The following PNPLA8 variants were observed in gnomAD, a reference collection of about 807,000 sequenced individuals.
PNPLA8 encodes calcium-independent phospholipase A2-gamma.
Under a neutral mutation model 76.9 loss-of-function variants are expected in PNPLA8, and 39 were observed. The observed-to-expected ratio is 0.51, with a 90% CI of 0.39 to 0.66. The LOEUF (loss-of-function observed/expected upper bound fraction) is 0.66. Among genes scored for constraint, PNPLA8 ranks in the 30% least tolerant of loss-of-function variants. The pLI, the probability that PNPLA8 is intolerant of heterozygous loss-of-function variation, is 0.00. For synonymous variants in PNPLA8, 301 were observed against 307.9 expected (o/e 0.98, Z 0.24); for missense variants, 887 against 918.0 (o/e 0.97, Z 0.44).
chr7:108,490,522 G>A (rs1254205796), intron 8 of PNPLA8, among the ~76,000 whole-genome samples: 11 of 152,162 alleles, frequency 7.2e-5, no homozygotes, highest in African/African-American at 1.9e-4. Flanking sequence ...GGTGGCTCAC[G>A]CCCGTAATCC....
At chr7:108,505,620 C>A (rs1009854883) in intron 4 of PNPLA8, among the ~76,000 whole-genome samples, 1 of 151,462 alleles carries the variant, frequency 6.6e-6, no homozygotes, top group Non-Finnish European at 1.5e-5. Flanking sequence ...CTCAGCCTCC[C>A]GAAGTGCTAG....
intron 4 of PNPLA8, among the ~76,000 whole-genome samples, chr7:108,511,681 T>C (rs1862943122): frequency 6.6e-6 from 1 of 152,162 alleles, no homozygotes; most frequent in Admixed American, 6.5e-5. Context: ...CTTGGAGAAA[T>C]AGTCAGATGC....
chr7:108,472,527 ATTTC>A lies in PNPLA8; in HGVS notation c.2219_2222del (p.Arg740MetfsTer5). 1.9e-6 allele frequency: 3 copies of A among 1,611,128 alleles called. No individual in the cohort carries two copies. The highest frequency in any genetic ancestry group is 1.3e-5 in the African/African-American group (1 of 74,658). On this transcript the variant is annotated frameshift_variant, in exon 11 of 11. Coordinates refer to ENST00000257694, the MANE Select transcript of PNPLA8 (RefSeq NM_001256007.3). LOFTEE classifies it high-confidence loss of function. ...TTGCAACTTTTTTCATTTTTTGTTCATTTCTTTCTATGTATTTCAACCCTTCCAA... is the reference window on the plus strand; with the variant it reads ...TTGCAACTTTTTTCATTTTTTGTTCATTTCTATGTATTTCAACCCTTCCAA...
intron 5 of PNPLA8, among the ~76,000 whole-genome samples, chr7:108,499,686 A>C (rs1178195258): frequency 6.6e-6 from 1 of 152,202 alleles, no homozygotes; most frequent in African/African-American, 2.4e-5. Context: ...GACACTGCCA[A>C]ATGTCCTTTA....
chr7:108,482,940 C>T (rs1860500035), intron 9 of PNPLA8, among the ~76,000 whole-genome samples: 1 of 152,184 alleles, frequency 6.6e-6, no homozygotes, highest in East Asian at 1.9e-4. Flanking sequence ...TTTTGCCCTA[C>T]TAATGAAGCA....
intron 4 of PNPLA8, among the ~76,000 whole-genome samples, chr7:108,503,329 T>C (rs1303885799): frequency 1.3e-5 from 2 of 152,230 alleles, no homozygotes; most frequent in Middle Eastern, 3.2e-3. Context: ...GCAGGTTTAA[T>C]GGAATGGCTG....
chr7:108,524,119 C>T (rs1863922855), intron 1 of PNPLA8, among the ~76,000 whole-genome samples: 1 of 152,168 alleles, frequency 6.6e-6, no homozygotes, highest in Non-Finnish European at 1.5e-5. Flanking sequence ...GAATTACCAG[C>T]ATAGTGGCAG....
At chr7:108,523,427 G>A (rs1863880313) in intron 1 of PNPLA8, among the ~76,000 whole-genome samples, 1 of 151,550 alleles carries the variant, frequency 6.6e-6, no homozygotes, top group Non-Finnish European at 1.5e-5. Context: ...TCTGGTACCA[G>A]GATTCTTTCC....
chr7:108,504,619 T>C lies in PNPLA8; in HGVS notation c.1207-1977A>G, dbSNP rs1862207591. 1.3e-5 allele frequency among the ~76,000 whole-genome samples: 2 copies of C among 152,192 alleles called. 1 individual carries two copies. The highest frequency in any genetic ancestry group is 4.1e-4 in the South Asian group (2 of 4,828). On this transcript the variant is annotated intron_variant, in intron 4 of 10. Coordinates refer to ENST00000257694, the MANE Select transcript of PNPLA8 (RefSeq NM_001256007.3). ...TTTAAAAATTTTTTTGTAGATAAGG[T>C]GATTCTAAAATTCATATAGAAATAT...
At chr7:108,523,247 T>TG (rs1863867900) in intron 1 of PNPLA8, among the ~76,000 whole-genome samples, 1 of 152,180 alleles carries the variant, frequency 6.6e-6, no homozygotes, top group Admixed American at 6.5e-5. Flanking sequence ...TTACAGAGTA[T>TG]GTCACTTAAT....
At chr7:108,506,806 A>G (rs1023900411) in intron 4 of PNPLA8, among the ~76,000 whole-genome samples, 1 of 152,148 alleles carries the variant, frequency 6.6e-6, no homozygotes. Flanking sequence ...ATTCTGAAAA[A>G]CTGATCAACC....
rs754983432 is a variant in PNPLA8 at position 108,514,672 on chromosome 7, CAGA to C, written c.817_819del (p.Ser273del). 2 of 1,613,972 alleles carry C rather than the reference CAGA, an allele frequency of 1.2e-6. No individual in the cohort carries two copies. The highest frequency in any genetic ancestry group is 1.1e-5 in the South Asian group (1 of 91,078). The stretch of plus-strand genomic sequence containing the variant: ...GAAACTTGAAGAACATCAGGTATCG[CAGA>C]AGGACTTGTAGGCTTGTCCACCGTA... On this transcript the variant is annotated inframe_deletion, in exon 3 of 11. Transcript: ENST00000257694.
intron 9 of PNPLA8, among the ~76,000 whole-genome samples, chr7:108,482,200 G>A (rs1220379847): frequency 6.6e-6 from 1 of 152,214 alleles, no homozygotes; most frequent in African/African-American, 2.4e-5. Context: ...GCCAGGTGCA[G>A]TGGCTCATGC....
Position 108,482,878 on chromosome 7 carries a change from C to T in PNPLA8, c.1879-3499G>A, listed in dbSNP as rs1860495844. ...GTTTTCTTTGTGGAAAATCAACTAC[C>T]CCCACCATTGGTGCTCTGGCTTAAA... On this transcript the variant is annotated intron_variant, in intron 9 of 10. Transcript: ENST00000257694. Among the ~76,000 whole-genome samples the T allele has an allele frequency of 2.0e-5, 3 of 152,196 alleles. No individual in the cohort carries two copies. The South Asian group carries it at 6.2e-4, about 32-fold the overall frequency.
chr7:108,501,745 A>C (rs922335504), intron 5 of PNPLA8, among the ~76,000 whole-genome samples: 2 of 152,120 alleles, frequency 1.3e-5, no homozygotes, highest in African/African-American at 4.8e-5. Flanking sequence ...AATCGCTTGA[A>C]CTTGGGAGGC....
chr7:108,525,371 T>C (rs1864003185), intron 1 of PNPLA8, among the ~76,000 whole-genome samples: 2 of 152,222 alleles, frequency 1.3e-5, no homozygotes, highest in South Asian at 4.1e-4. Context: ...TATATGATAG[T>C]CCCTTATGTC....
At chr7:108,491,217 G>C (rs1487206751) in intron 8 of PNPLA8, among the ~76,000 whole-genome samples, 193 bp downstream of exon 8, 1 of 152,214 alleles carries the variant, frequency 6.6e-6, no homozygotes, top group Non-Finnish European at 1.5e-5. Flanking sequence ...TGAGGCAGGA[G>C]AATCACTTGA....
chr7:108,524,676 G>A (rs1023231899), intron 1 of PNPLA8, among the ~76,000 whole-genome samples: 1 of 152,058 alleles, frequency 6.6e-6, no homozygotes, highest in African/African-American at 2.4e-5. Context: ...AAAATTAGCC[G>A]GGTGTGGTTG....
chr7:108,475,794 C>G (rs1003019275), intron 10 of PNPLA8, among the ~76,000 whole-genome samples: 13 of 152,070 alleles, frequency 8.5e-5, no homozygotes, highest in African/African-American at 2.9e-4. Flanking sequence ...TAGTGATGAC[C>G]TCATTCATTC....
Sources: gnomAD v4.1 joint callset for allele counts (sites outside exome capture counted in the v4.1 genomes callset) on GRCh38, gnomAD v4.1.1 for gene constraint, MANE v1.5 for transcripts, NCBI Gene and HGNC (gene_info 2026-07-23, HGNC 2026-07-21) for gene names.